KCNK10: variants seen among roughly 807,000 people sequenced by gnomAD.
KCNK10 encodes potassium channel subfamily K member 10.
A neutral mutation model predicts 47.7 loss-of-function variants in KCNK10; 25 were observed. That is an observed-to-expected ratio of 0.52 (90% CI 0.38 to 0.73). The LOEUF is 0.73. Among genes scored for constraint, KCNK10 ranks in the 30% least tolerant of loss-of-function variants. The probability of loss-of-function intolerance (pLI) is 0.00; values close to 1 mark genes in which losing one functional copy is unlikely to be tolerated. For synonymous variants in KCNK10, 303 were observed against 285.6 expected, an observed-to-expected ratio of 1.06 and a Z score of -0.61; for missense variants, 563 against 714.5, an observed-to-expected ratio of 0.79 and a Z score of 2.42.
chr14:88,288,248 C>T (rs75352245), intron 1 of KCNK10, among the ~76,000 whole-genome samples: 1 of 152,172 alleles, frequency 6.6e-6, no homozygotes, highest in Non-Finnish European at 1.5e-5. Flanking sequence ...CTTAGTTGTC[C>T]AATTAGCTGC....
At chr14:88,298,688 C>G (rs1009391243) in intron 1 of KCNK10, among the ~76,000 whole-genome samples, 2 of 152,206 alleles carry the variant, frequency 1.3e-5, no homozygotes, top group African/African-American at 4.8e-5. Flanking sequence ...TGCAGTTTCT[C>G]CCTAAGAGTA....
chr14:88,217,349 T>C (rs1211807878), intron 4 of KCNK10, among the ~76,000 whole-genome samples: 1 of 152,184 alleles, frequency 6.6e-6, no homozygotes, highest in African/African-American at 2.4e-5. Flanking sequence ...CAGCCATTTC[T>C]TAAACTAAAG....
At chr14:88,282,431 A>G (rs1887670007) in intron 1 of KCNK10, among the ~76,000 whole-genome samples, 1 of 152,244 alleles carries the variant, frequency 6.6e-6, no homozygotes, top group Non-Finnish European at 1.5e-5. Context: ...ATTTGATGCT[A>G]ATAGTCCTTT....
intron 1 of KCNK10, chr14:88,271,009 G>C: frequency 1.7e-6 from 1 of 596,494 alleles, no homozygotes; most frequent in Non-Finnish European, 3.0e-6. Flanking sequence ...GCCAAACCCA[G>C]CAGCACCCAG....
rs574814372 is a variant in KCNK10, at chr14:88,216,939, G to A, written c.681+10436C>T. On this transcript the variant is annotated intron_variant, in intron 4 of 6. Transcript: ENST00000319231. ...TGGGAGGCCAAGGTGGGCAGATCAC[G>A]AGGTAAGGAGTTCGAGACCAGCCTG... Among the ~76,000 whole-genome samples, 17 of 152,238 alleles carry A rather than the reference G, an allele frequency of 1.1e-4. No individual in the cohort carries two copies. In the South Asian group the frequency reaches 3.3e-3, roughly 30 times the overall value.
At chr14:88,221,221 G>C (rs1409444164) in intron 4 of KCNK10, among the ~76,000 whole-genome samples, 5 of 151,668 alleles carry the variant, frequency 3.3e-5, no homozygotes, top group African/African-American at 4.8e-5. Flanking sequence ...AGAATCACTT[G>C]AACCTGGGAG....
rs532299693 is a variant in KCNK10, at chr14:88,219,349, C to T, written c.681+8026G>A. The stretch of plus-strand genomic sequence containing the variant: ...TACGAATGGGACCTGGTAACTAGCT[C>T]GGGCCAATGGGCTCTACCTGAGGGA... On this transcript the variant is annotated intron_variant, in intron 4 of 6. Coordinates refer to ENST00000319231, the MANE Select transcript of KCNK10 (RefSeq NM_138317.3). 6.4e-3 allele frequency among the ~76,000 whole-genome samples: 969 copies of T among 152,292 alleles called. 5 individuals are homozygous for T. Among genetic ancestry groups the T allele is most frequent in the Middle Eastern group, 0.017 (5 of 294 alleles).
intron 1 of KCNK10, among the ~76,000 whole-genome samples, chr14:88,310,634 C>T (rs1458015618): frequency 2.0e-5 from 3 of 152,180 alleles, no homozygotes; most frequent in Non-Finnish European, 2.9e-5. Flanking sequence ...ATAGAAACTG[C>T]GTTCTCACCC....
intron 1 of KCNK10, among the ~76,000 whole-genome samples, chr14:88,292,257 G>A (rs1028771131): frequency 8.5e-5 from 13 of 152,168 alleles, no homozygotes; most frequent in Non-Finnish European, 1.9e-4. Context: ...AACAGCCACG[G>A]CCCCCGCCTT....
At chr14:88,227,670 C>T (rs1261858178) in intron 3 of KCNK10, 135 bp from the exon 4 acceptor site, 2 of 703,292 alleles carry the variant, frequency 2.8e-6, no homozygotes, top group African/African-American at 3.6e-5. Context: ...ATTTCAAAGG[C>T]CCTCTACAAT....
intron 1 of KCNK10, among the ~76,000 whole-genome samples, chr14:88,311,193 C>T (rs867213568): frequency 2.0e-5 from 3 of 152,202 alleles, no homozygotes; most frequent in Non-Finnish European, 4.4e-5. Flanking sequence ...AAGGCCAGCA[C>T]TATGCCTGTC....
rs952239385 is a variant in KCNK10 at position 88,322,932 on chromosome 14, A to T, written c.-134T>A. 5.0e-5 allele frequency: 76 copies of T among 1,515,152 alleles called. No homozygotes were observed. The highest frequency in any genetic ancestry group is 3.7e-4 in the South Asian group (29 of 78,734). 93.9% of individuals were successfully genotyped at this position (1,515,152 alleles called of 1,614,324 possible). A position where few individuals can be genotyped will look rare whatever the true frequency, so the allele number is the denominator to read the frequency against. On this transcript the variant is annotated 5_prime_UTR_variant, in exon 1 of 7. Coordinates refer to ENST00000319231, the MANE Select transcript of KCNK10 (RefSeq NM_138317.3). This position sits in a 1 kb window ranked among gnomAD's most constrained non-coding sequence, Gnocchi z 4.8. ...GGGGGAGCCTTGGACTGGCTCGTGG[A>T]GGAACCCCAGAAAAAGACAGGTGGG...
chr14:88,249,930 G>A (rs968593682), intron 2 of KCNK10, among the ~76,000 whole-genome samples: 1 of 152,038 alleles, frequency 6.6e-6, no homozygotes, highest in African/African-American at 2.4e-5. Flanking sequence ...GTAAATATTA[G>A]TTATATAAAT....
rs1566676139 is a variant in KCNK10, at chr14:88,185,484, C to CACACAA, written c.*50_*51insTTGTGT. On this transcript the variant is annotated 3_prime_UTR_variant, in exon 7 of 7. Coordinates refer to ENST00000319231, the MANE Select transcript of KCNK10 (RefSeq NM_138317.3). The surrounding 1 kb of genome is among the most constrained non-coding windows in gnomAD (Gnocchi z 4.3). ...CATGTCTCAGTGTGAATATTAAAAA[C>CACACAA]ACACACACACACACACACAACGCTC... The CACACAA allele has an allele frequency of 5.9e-6, 6 of 1,023,694 alleles. No individual in the cohort carries two copies. The highest frequency in any genetic ancestry group is 6.7e-6 in the Non-Finnish European group (5 of 749,768). 63.4% of individuals were successfully genotyped at this position (1,023,694 alleles called of 1,614,324 possible). A position where few individuals can be genotyped will look rare whatever the true frequency, so the allele number is the denominator to read the frequency against.
At chr14:88,218,678 G>T (rs1017889562) in intron 4 of KCNK10, among the ~76,000 whole-genome samples, 1 of 152,244 alleles carries the variant, frequency 6.6e-6, no homozygotes, top group African/African-American at 2.4e-5. Context: ...CCAAAGTCCA[G>T]CTTGGAGCCA....
In KCNK10 at chr14:88,323,066, T is replaced by G; in HGVS notation, c.-268A>C. On this transcript the variant is annotated 5_prime_UTR_variant, in exon 1 of 7. Coordinates refer to ENST00000319231, the MANE Select transcript of KCNK10 (RefSeq NM_138317.3). The stretch of plus-strand genomic sequence containing the variant: ...AAGAAAAAGTAAGATCGGCGAGGGG[T>G]GGATGAAAGGATGGAGAGGAAGGCT... 2 of 1,281,332 alleles carry G rather than the reference T, an allele frequency of 1.6e-6. No individual in the cohort carries two copies. Among genetic ancestry groups the G allele is most frequent in the African/African-American group, 1.6e-5 (1 of 64,190 alleles). The allele number at this position is 1,281,332 out of a possible 1,614,324, so 79.4% of individuals were successfully genotyped here. A position where few individuals can be genotyped will look rare whatever the true frequency, so the allele number is the denominator to read the frequency against.
rs372506756 is a variant in KCNK10, at chr14:88,182,036, GCACACACACA to G, written c.*3489_*3498del. ...AGATGGCCCAACACCACCCCAACCC[GCACACACACA>G]CACACACACACACACACACACACAC... On this transcript the variant is annotated 3_prime_UTR_variant, in exon 7 of 7. Transcript: ENST00000319231. 0.093 allele frequency: 12,757 copies of G among 137,046 alleles called. 944 individuals are homozygous for G. Among genetic ancestry groups the G allele is most frequent in the African/African-American group, 0.19 (7,028 of 36,794 alleles). 8.5% of individuals were successfully genotyped at this position (137,046 alleles called of 1,614,324 possible).
intron 3 of KCNK10, among the ~76,000 whole-genome samples, chr14:88,235,623 C>A (rs367797989): frequency 1.3e-5 from 2 of 152,168 alleles, no homozygotes; most frequent in South Asian, 2.1e-4. Flanking sequence ...CATGGCAGCA[C>A]AGGCATTGTG....
intron 4 of KCNK10, among the ~76,000 whole-genome samples, chr14:88,214,175 G>A (rs1885546077): frequency 6.6e-6 from 1 of 152,016 alleles, no homozygotes; most frequent in African/African-American, 2.4e-5. Context: ...CTGACCTCAG[G>A]TGATCCGCCC....
Sources: allele counts gnomAD v4.1 joint callset (sites outside exome capture counted in the v4.1 genomes callset), GRCh38; gene constraint gnomAD v4.1.1; non-coding constraint Gnocchi (gnomAD v3.1); transcripts MANE v1.5; gene names NCBI Gene and HGNC (gene_info 2026-07-23, HGNC 2026-07-21).